VWA3B: variants seen among roughly 807,000 people sequenced by gnomAD.
VWA3B encodes von Willebrand factor A domain containing 3B.
In VWA3B, 138 loss-of-function variants were observed where a neutral mutation model predicts 158.3. The observed-to-expected ratio is 0.87, with a 90% CI of 0.76 to 1.00. The LOEUF (loss-of-function observed/expected upper bound fraction) is 1.00, where lower values mean the gene tolerates loss of function less well. Among genes scored for constraint, VWA3B ranks in the 50% least tolerant of loss-of-function variants. The pLI, the probability that VWA3B is intolerant of heterozygous loss-of-function variation, is 0.00. For missense variants in VWA3B, 1,555 were observed against 1,565.1 expected (o/e 0.99, Z 0.11); for synonymous variants, 596 against 587.3 (o/e 1.01, Z -0.21).
intron 7 of VWA3B, among the ~76,000 whole-genome samples, chr2:98,161,552 G>C (rs1303005349): frequency 6.6e-6 from 1 of 152,214 alleles, no homozygotes; most frequent in Admixed American, 6.5e-5. Flanking sequence ...CGAGGAGCAG[G>C]ATAGAAAGAG....
chr2:98,276,065 G>A (rs1393222927), intron 22 of VWA3B, among the ~76,000 whole-genome samples: 3 of 152,186 alleles, frequency 2.0e-5, no homozygotes, highest in Admixed American at 6.5e-5. Context: ...ACAGGCTGTC[G>A]AAAGCCACCC....
intron 7 of VWA3B, among the ~76,000 whole-genome samples, chr2:98,140,304 TGCTCACCA>T (rs796076912): frequency 5.6e-4 from 85 of 152,340 alleles, no homozygotes; most frequent in African/African-American, 1.9e-3. Context: ...CATCCAGGAA[TGCTCACCA>T]GCCTCAGATG....
chr2:98,106,909 C>T (rs141913090), intron 2 of VWA3B, among the ~76,000 whole-genome samples: 1,569 of 152,256 alleles, frequency 0.01, 112 homozygotes, highest in Admixed American at 0.086. Context: ...TGAATAGCAA[C>T]GGTAAGAGTG....
intron 19 of VWA3B, among the ~76,000 whole-genome samples, chr2:98,249,158 T>C (rs1172174759): frequency 1.3e-5 from 2 of 152,128 alleles, no homozygotes; most frequent in African/African-American, 4.8e-5. Flanking sequence ...TTAGGCTTTT[T>C]TGCATTTTTG....
At chr2:98,296,097 G>A (rs868862868) in intron 23 of VWA3B, among the ~76,000 whole-genome samples, 19 of 152,230 alleles carry the variant, frequency 1.2e-4, no homozygotes, top group African/African-American at 4.3e-4. Flanking sequence ...TTTAGGCTTC[G>A]TCGGCTACAC....
chr2:98,175,365 A>G (rs919436587), intron 8 of VWA3B, among the ~76,000 whole-genome samples: 2 of 152,228 alleles, frequency 1.3e-5, no homozygotes, highest in African/African-American at 4.8e-5. Context: ...TAATGAGAGA[A>G]ATTTTATTTA....
At chr2:98,314,969 G>A (rs1345894093), downstream of VWA3B, among the ~76,000 whole-genome samples, 1 of 149,602 alleles carries the variant, frequency 6.7e-6, no homozygotes, top group East Asian at 1.9e-4. Context: ...TTACTCCGGA[G>A]CAAGAGTCCA....
intron 22 of VWA3B, among the ~76,000 whole-genome samples, chr2:98,286,227 A>C (rs985233001): frequency 2.0e-5 from 3 of 152,138 alleles, no homozygotes; most frequent in Non-Finnish European, 4.4e-5. Context: ...GAATAAAGAC[A>C]GTTTTACTTG....
chr2:98,196,570 G>A (rs1231395879), intron 12 of VWA3B, among the ~76,000 whole-genome samples: 1 of 152,144 alleles, frequency 6.6e-6, no homozygotes, highest in Non-Finnish European at 1.5e-5. Context: ...TAAGGCCAGG[G>A]AGCACAAGCT....
In VWA3B at chr2:98,119,659, G is replaced by A; in HGVS notation, c.438G>A (p.Leu146=). 6.2e-7 allele frequency: 1 copy of A among 1,614,092 alleles called. No individual in the cohort carries two copies. Among genetic ancestry groups the A allele is most frequent in the Non-Finnish European group, 8.5e-7 (1 of 1,180,026 alleles). ...VILEQCVTIV[L]DFGGILEGEL... is the part of the protein sequence containing the mutation. ...TGGAACAGTGCGTCACCATAGTGCT[G>A]GATTTTGGCGGCATTCTGGAGGGGG... is the stretch of plus-strand genomic sequence containing the variant. Residue 146 remains leucine, a synonymous_variant, in exon 4 of 28, where the codon CTG becomes CTA. Transcript: ENST00000477737.
intron 8 of VWA3B, among the ~76,000 whole-genome samples, chr2:98,164,258 G>A (rs1226745709): frequency 6.6e-6 from 1 of 152,172 alleles, no homozygotes; most frequent in African/African-American, 2.4e-5. Context: ...GTGAATGGGG[G>A]TTTGAGTTAT....
intron 23 of VWA3B, among the ~76,000 whole-genome samples, chr2:98,293,289 A>G (rs1216375096): frequency 1.3e-5 from 2 of 152,236 alleles, no homozygotes; most frequent in Non-Finnish European, 2.9e-5. Context: ...TTTGCAGTGT[A>G]ATTAAACTTC....
At chr2:98,095,818 T>G (rs1402833271) in intron 2 of VWA3B, among the ~76,000 whole-genome samples, 2 of 152,234 alleles carry the variant, frequency 1.3e-5, no homozygotes, top group Non-Finnish European at 2.9e-5. Context: ...GTTGAGAGTT[T>G]TTATTATGAA....
At chr2:98,314,708 G>A (rs1458401071), downstream of VWA3B, among the ~76,000 whole-genome samples, 3 of 152,172 alleles carry the variant, frequency 2.0e-5, no homozygotes, top group East Asian at 5.8e-4. Flanking sequence ...ATGAAAAACA[G>A]CAAGAAAATA....
chr2:98,254,220 T>C (rs540894186), intron 20 of VWA3B, among the ~76,000 whole-genome samples: 1 of 152,204 alleles, frequency 6.6e-6, no homozygotes, highest in South Asian at 2.1e-4. Context: ...GTGTTAGCCT[T>C]GTCTTATCAA....
chr2:98,228,347 C>T lies in VWA3B; in HGVS notation c.2150+15C>T, dbSNP rs1034753176. 1.4e-5 allele frequency: 22 copies of T among 1,608,958 alleles called. No homozygotes were observed. The African/African-American group carries it at 2.8e-4, about 21-fold the overall frequency. On this transcript the variant is annotated intron_variant, in intron 15 of 27. Transcript: ENST00000477737. ...GGAGACAGCAAGTGAGCACCTCTGC[C>T]CGCCTGTCTCCCTGCGCTGAGGCCT... is the stretch of plus-strand genomic sequence containing the variant.
rs765992993 is a variant in VWA3B at position 98,217,911 on chromosome 2, C to T, written c.1902C>T (p.Phe634=). The change falls in exon 14 of 28, where the codon TTC becomes TTT. Residue 634 remains phenylalanine (F), a synonymous_variant. Transcript: ENST00000477737. ...FQEIPIYTIS[F]NYNDEIANRF... is the part of the protein sequence containing the mutation. ...AAATTCCTATTTATACCATCTCCTT[C>T]AATTACAATGATGAGATTGCAAACA... The T allele has an allele frequency of 3.7e-6, 6 of 1,613,036 alleles. No individual in the cohort carries two copies. The African/African-American group carries it at 8.0e-5, about 22-fold the overall frequency.
chr2:98,309,621 C>T (rs1169351598), intron 26 of VWA3B, among the ~76,000 whole-genome samples: 1 of 152,208 alleles, frequency 6.6e-6, no homozygotes, highest in East Asian at 1.9e-4. Context: ...AACACTCCTC[C>T]CTTGACCCCG....
At chr2:98,298,887 C>G (rs1440148961) in intron 24 of VWA3B, among the ~76,000 whole-genome samples, 1 of 152,188 alleles carries the variant, frequency 6.6e-6, no homozygotes, top group Non-Finnish European at 1.5e-5. Context: ...TGGTCTGTGG[C>G]TAATTAAAGG....
Sources: allele counts gnomAD v4.1 joint callset (sites outside exome capture counted in the v4.1 genomes callset), GRCh38; gene constraint gnomAD v4.1.1; transcripts MANE v1.5; gene names NCBI Gene and HGNC (gene_info 2026-07-23, HGNC 2026-07-21).